The following NRP1 variants were observed in gnomAD, a reference collection of about 807,000 sequenced individuals.
NRP1 encodes neuropilin 1.
NRP1 carries 35 observed loss-of-function variants against 106.7 expected under a neutral mutation model. The ratio of observed to expected loss-of-function variants is 0.33; its 90% CI spans 0.25 to 0.43. The LOEUF (loss-of-function observed/expected upper bound fraction) is 0.43. Ranked by LOEUF, NRP1 falls within the 20% of genes least tolerant of loss-of-function variation. The pLI, the probability that NRP1 is intolerant of heterozygous loss-of-function variation, is 1.00. For missense variants in NRP1, 1,024 were observed against 1,170.4 expected, an observed-to-expected ratio of 0.87 and a Z score of 1.83; for synonymous variants, 437 against 417.9, an observed-to-expected ratio of 1.05 and a Z score of -0.56.
chr10:33,197,782 A>T, intron 11 of NRP1, 73 bp from the exon 12 acceptor site: 2 of 822,048 alleles, frequency 2.4e-6, no homozygotes, highest in South Asian at 1.7e-5. Context: ...ATGTATGCTT[A>T]CAAATGTCTA....
intron 2 of NRP1, among the ~76,000 whole-genome samples, chr10:33,289,529 A>G (rs1844833379): frequency 6.6e-6 from 1 of 152,126 alleles, no homozygotes; most frequent in Admixed American, 6.5e-5. Context: ...GCCATTCCCT[A>G]GTGGTGTTAT....
chr10:33,296,225 C>T (rs937086213), intron 2 of NRP1, among the ~76,000 whole-genome samples: 1 of 152,188 alleles, frequency 6.6e-6, no homozygotes, highest in African/African-American at 2.4e-5. Context: ...ACTGTGTTTT[C>T]TTTCAGCTCC....
chr10:33,267,770 A>C (rs1843021950), intron 3 of NRP1, among the ~76,000 whole-genome samples: 1 of 152,180 alleles, frequency 6.6e-6, no homozygotes, highest in Non-Finnish European at 1.5e-5. Context: ...AAGTTTCAGC[A>C]TCTGGGAAGA....
At chr10:33,221,575 T>C in intron 8 of NRP1, 144 bp downstream of exon 8, 1 of 1,014,012 alleles carries the variant, frequency 9.9e-7, no homozygotes, top group Non-Finnish European at 1.4e-6. Flanking sequence ...CGGATTTGTC[T>C]AAATCCAAAG....
At chr10:33,324,455 TGCATAATAAAGCAG>T (rs1847745234) in intron 2 of NRP1, among the ~76,000 whole-genome samples, 1 of 152,208 alleles carries the variant, frequency 6.6e-6, no homozygotes, top group South Asian at 2.1e-4. Context: ...ACATAAAATC[TGCATAATAAAGCAG>T]GCTCCAGATT....
Position 33,330,764 on chromosome 10 carries a change from G to A in NRP1, c.192C>T (p.Tyr64=). 1 of 1,613,786 alleles carries A rather than the reference G, an allele frequency of 6.2e-7. No individual in the cohort carries two copies. The highest frequency in any genetic ancestry group is 8.5e-7 in the Non-Finnish European group (1 of 1,179,822). Residue 64 remains tyrosine, a synonymous_variant, in exon 2 of 17, where the codon TAC becomes TAT. Transcript: ENST00000374867. ...CEWLIQAPDP[Y]QRIMINFNPH... is the part of the protein sequence containing the mutation. Reference sequence around the variant, plus strand: ...GGTTGAAGTTGATCATAATTCTCTGGTATGGGTCCGGAGCCTGAATCAGCC... The same window carrying A: ...GGTTGAAGTTGATCATAATTCTCTGATATGGGTCCGGAGCCTGAATCAGCC...
At chr10:33,314,271 T>C (rs1170305425) in intron 2 of NRP1, among the ~76,000 whole-genome samples, 1 of 152,146 alleles carries the variant, frequency 6.6e-6, no homozygotes, top group Non-Finnish European at 1.5e-5. Context: ...AAAGTTTTTA[T>C]AGAGACGGTA....
intron 8 of NRP1, among the ~76,000 whole-genome samples, chr10:33,221,051 G>T (rs1839207397): frequency 6.6e-6 from 1 of 151,920 alleles, no homozygotes; most frequent in Non-Finnish European, 1.5e-5. Flanking sequence ...AGCAACATAG[G>T]GGTTACAATT....
At chr10:33,329,296 C>T (rs1001358481) in intron 2 of NRP1, among the ~76,000 whole-genome samples, 1 of 152,120 alleles carries the variant, frequency 6.6e-6, no homozygotes, top group Non-Finnish European at 1.5e-5. Context: ...AATTTTGTTG[C>T]ACTGTAGTAT....
intron 7 of NRP1, 108 bp from the exon 8 acceptor site, chr10:33,221,971 G>A (rs978200818): frequency 2.3e-5 from 28 of 1,211,140 alleles, no homozygotes; most frequent in African/African-American, 9.1e-5. Flanking sequence ...CAGTGTTGTC[G>A]ATCAAGGATG....
At chr10:33,202,327 CACA>C (rs754723703) in intron 11 of NRP1, 2 of 231,174 alleles carry the variant, frequency 8.7e-6, no homozygotes, top group African/African-American at 2.3e-5. Flanking sequence ...ACATTTGGCA[CACA>C]ACATCTCTGA....
At chr10:33,248,324 T>G (rs1007840988) in intron 6 of NRP1, among the ~76,000 whole-genome samples, 1 of 152,200 alleles carries the variant, frequency 6.6e-6, no homozygotes, top group African/African-American at 2.4e-5. Flanking sequence ...AAGAGCGCTA[T>G]GGAAACATAA....
intron 6 of NRP1, among the ~76,000 whole-genome samples, chr10:33,236,607 C>A (rs973440046): frequency 6.6e-6 from 1 of 152,158 alleles, no homozygotes; most frequent in Non-Finnish European, 1.5e-5. Context: ...GCTCTAGATA[C>A]CCTGTAAGAT....
rs549042347 is a variant in NRP1 at position 33,188,279 on chromosome 10, A to G, written c.2063-1791T>C. Among the ~76,000 whole-genome samples, 19 of 152,326 alleles carry G rather than the reference A, an allele frequency of 1.2e-4. No individual in the cohort carries two copies. In the South Asian group the frequency reaches 3.9e-3, roughly 32 times the overall value. ...TCATTGCTCAAAGTTTATTGAGGCT[A>G]GTCAGAGAATGGGTGTTAGAAAGAA... On this transcript the variant is annotated intron_variant, in intron 13 of 16. Transcript: ENST00000374867.
chr10:33,200,970 A>C (rs1452890381), intron 11 of NRP1: 1 of 152,170 alleles, frequency 6.6e-6, no homozygotes, highest in African/African-American at 2.4e-5. Flanking sequence ...AGTATATGAG[A>C]GTATTTATAG....
At chr10:33,308,893 T>G (rs1846366925) in intron 2 of NRP1, among the ~76,000 whole-genome samples, 1 of 152,154 alleles carries the variant, frequency 6.6e-6, no homozygotes, top group African/African-American at 2.4e-5. Context: ...AATTTTGTGC[T>G]CAAGAAAAAT....
intron 8 of NRP1, among the ~76,000 whole-genome samples, chr10:33,218,370 G>C (rs925227599): frequency 2.9e-5 from 4 of 137,208 alleles, no homozygotes; most frequent in African/African-American, 1.1e-4. Context: ...ATGGAATCTT[G>C]CTCTGTTGCC....
At position 33,226,237 on chromosome 10, in the gene NRP1, A is replaced by G. The variant is rs773170786; in HGVS notation, c.1034T>C (p.Ile345Thr). The part of the protein sequence containing the change: ...FVTAVGTQGA[I>T]SKETKKKYYV... ...ATATTTCTTCTTGGTTTCTTTTGAA[A>G]TGGCGCCCTGTGTCCCGACAGCCGT... The change falls in exon 7 of 17, where the codon ATT becomes ACT. Residue 345 changes from isoleucine (I) to threonine (T), a missense_variant. Physicochemically the swap from Ile to Thr is moderately conservative, Grantham distance 89 (BLOSUM62 -1). This residue lies in a region of NRP1 where 562 missense variants were observed against 620.3 expected (regional missense o/e 0.91). Coordinates refer to ENST00000374867, the MANE Select transcript of NRP1 (RefSeq NM_003873.7). The G allele has an allele frequency of 6.2e-7, 1 of 1,614,014 alleles. No homozygotes were observed. The highest frequency in any genetic ancestry group is 1.3e-5 in the African/African-American group (1 of 74,912).
chr10:33,257,869 A>C (rs1842307663), intron 4 of NRP1, among the ~76,000 whole-genome samples: 1 of 151,772 alleles, frequency 6.6e-6, no homozygotes, highest in Non-Finnish European at 1.5e-5. Flanking sequence ...AACATACCAG[A>C]TGGTTTGGGT....
Sources: gnomAD v4.1 joint callset for allele counts (sites outside exome capture counted in the v4.1 genomes callset) on GRCh38, gnomAD v4.1.1 for gene constraint, gnomAD v4.1.1 regional missense constraint, MANE v1.5 for transcripts, NCBI Gene and HGNC (gene_info 2026-07-23, HGNC 2026-07-21) for gene names.